Variants in ZNF18 observed in about 807,000 individuals in gnomAD.
ZNF18 encodes heart development-specific gene 1 protein.
Under a neutral mutation model 58.1 loss-of-function variants are expected in ZNF18, and 42 were observed. That is an observed-to-expected ratio of 0.72 (90% CI 0.56 to 0.93). The LOEUF is 0.93. ZNF18 is among the 40% of genes least tolerant of loss of function. ZNF18 has a pLI of 0.00. For synonymous variants in ZNF18, 231 were observed against 239.8 expected (o/e 0.96, Z 0.34); for missense variants, 540 against 644.2 (o/e 0.84, Z 1.75).
At chr17:12,020,650 C>G in the ZNF18 span, among the ~76,000 whole-genome samples, 30 of 152,242 alleles carry the variant, frequency 2.0e-4, no homozygotes, top group South Asian at 5.6e-3. Flanking sequence ...GCCCGCAGCC[C>G]TGGTCCAAGA....
chr17:12,007,464 G>A, the ZNF18 span, among the ~76,000 whole-genome samples: 1 of 152,112 alleles, frequency 6.6e-6, no homozygotes, highest in South Asian at 2.1e-4. Flanking sequence ...CTTGTTAGCT[G>A]AATTCTGATT....
the ZNF18 span, among the ~76,000 whole-genome samples, chr17:12,006,899 C>G: frequency 6.6e-6 from 1 of 152,104 alleles, no homozygotes; most frequent in Non-Finnish European, 1.5e-5. Context: ...GTAAGACATT[C>G]TGTAATACTG....
At position 11,992,487 on chromosome 17, in the gene ZNF18, G is replaced by T. The variant is rs776715145; in HGVS notation, c.343C>A (p.Leu115Ile). ...GGGTCCCCCTTCAAGCTTTCCACAA[G>T]GGTCACTGCCTCTTCTCCACTTCCT... ...CPGSGEEAVT[L>I]VESLKGDPQR... Residue 115 changes from leucine (L) to isoleucine (I), a missense_variant, in exon 2 of 7, where the codon CTT (leucine) becomes ATT (isoleucine). Coordinates refer to ENST00000580306, the MANE Select transcript of ZNF18 (RefSeq NM_001303281.2). The T allele has an allele frequency of 8.7e-6, 14 of 1,614,024 alleles. No individual in the cohort carries two copies. The highest frequency in any genetic ancestry group is 2.2e-5 in the East Asian group (1 of 44,896).
chr17:12,008,547 T>C, the ZNF18 span, among the ~76,000 whole-genome samples: 16 of 152,276 alleles, frequency 1.1e-4, no homozygotes, highest in East Asian at 3.1e-3. Flanking sequence ...TACAGTACCA[T>C]CTGGACCCTG....
At chr17:11,978,803 T>C (rs1174242088) in intron 6 of ZNF18, 59 bp from the exon 7 acceptor site, 2 of 909,314 alleles carry the variant, frequency 2.2e-6, no homozygotes, top group Non-Finnish European at 1.6e-6. Flanking sequence ...TTCTAACTCA[T>C]ATGTCAAAGA....
intron 6 of ZNF18, 40 bp downstream of exon 6, chr17:11,983,257 G>T: frequency 6.8e-7 from 1 of 1,463,132 alleles, no homozygotes. Context: ...TTAATGACAG[G>T]CAGTCAGAAA....
At chr17:12,013,425 T>C in the ZNF18 span, among the ~76,000 whole-genome samples, 2 of 152,218 alleles carry the variant, frequency 1.3e-5, no homozygotes, top group Admixed American at 1.3e-4. Flanking sequence ...GGGCTTATCT[T>C]ATATCTTCAT....
chr17:11,994,310 T>C (rs1285089060), intron 1 of ZNF18, among the ~76,000 whole-genome samples: 1 of 152,144 alleles, frequency 6.6e-6, no homozygotes, highest in Non-Finnish European at 1.5e-5. Flanking sequence ...AAAAACAATT[T>C]TTTTTCAAGG....
At chr17:12,003,149 G>A in the ZNF18 span, among the ~76,000 whole-genome samples, 2 of 152,170 alleles carry the variant, frequency 1.3e-5, no homozygotes, top group Non-Finnish European at 2.9e-5. Flanking sequence ...GGATGTCCTA[G>A]AGGAGATCTT....
intron 4 of ZNF18, among the ~76,000 whole-genome samples, chr17:11,989,759 T>A (rs1014536421): frequency 7.9e-5 from 12 of 151,582 alleles, no homozygotes; most frequent in Non-Finnish European, 1.0e-4. Context: ...AAGAAAAGAT[T>A]AATGAACTTG....
chr17:12,011,298 A>G, the ZNF18 span: 18,032 of 258,872 alleles, frequency 0.07, 839 homozygotes, highest in East Asian at 0.17. Context: ...ATATAAATGT[A>G]TGGTAATAAA....
Position 11,978,252 on chromosome 17 carries a change from A to G in ZNF18, c.1355T>C (p.Val452Ala). 2 of 1,613,234 alleles carry G rather than the reference A, an allele frequency of 1.2e-6. No homozygotes were observed. Among genetic ancestry groups the G allele is most frequent in the Non-Finnish European group, 1.7e-6 (2 of 1,179,668 alleles). ...KKAFLRSSDFVKHQRTHTGEK... is the reference protein window; with the variant it reads ...KKAFLRSSDFAKHQRTHTGEK... ...TCCCGTGTGAGTTCTCTGATGCTTCACAAAGTCTGAACTCCGCAGAAAGGC... is the reference window on the plus strand; with the variant it reads ...TCCCGTGTGAGTTCTCTGATGCTTCGCAAAGTCTGAACTCCGCAGAAAGGC... Residue 452 changes from valine (V) to alanine (A), a missense_variant, in exon 7 of 7, where the codon GTG (valine) becomes GCG (alanine). Coordinates refer to ENST00000580306, the MANE Select transcript of ZNF18 (RefSeq NM_001303281.2).
chr17:11,999,001 G>T (rs1597990652), upstream of ZNF18, among the ~76,000 whole-genome samples: 2 of 152,202 alleles, frequency 1.3e-5, no homozygotes, highest in South Asian at 2.1e-4. Flanking sequence ...TCATGTGATT[G>T]ATGGCGCTGC....
chr17:12,007,051 T>A, the ZNF18 span, among the ~76,000 whole-genome samples: 1 of 152,184 alleles, frequency 6.6e-6, no homozygotes, highest in Non-Finnish European at 1.5e-5. Context: ...TGTTTTGTTT[T>A]GTTTCTGTCT....
Position 11,983,345 on chromosome 17 carries a change from C to T in ZNF18, c.814G>A (p.Gly272Arg), listed in dbSNP as rs541839883. The change falls in exon 6 of 7, where the codon GGA (glycine) becomes AGA (arginine). Residue 272 changes from glycine to arginine, a missense_variant. Transcript: ENST00000580306. Reference protein sequence around the residue: ...NSIEFGEELAGIYLHVNEKIP... With the variant: ...NSIEFGEELARIYLHVNEKIP... ...TTCTCATTGACATGAAGGTATATTCCTGCCAGCTCTTCCCCAAATTCTATT... is the reference window on the plus strand; with the variant it reads ...TTCTCATTGACATGAAGGTATATTCTTGCCAGCTCTTCCCCAAATTCTATT... 2.5e-6 allele frequency: 4 copies of T among 1,614,070 alleles called. No individual in the cohort carries two copies. The Admixed American group carries it at 6.7e-5, about 27-fold the overall frequency.
chr17:12,011,359 C>T, the ZNF18 span: 1 of 191,230 alleles, frequency 5.2e-6, no homozygotes, highest in South Asian at 1.1e-4. Flanking sequence ...AAAGGACATC[C>T]ATCATCCTGA....
upstream of ZNF18, among the ~76,000 whole-genome samples, chr17:11,999,429 G>A (rs1968619861): frequency 6.6e-6 from 1 of 152,146 alleles, no homozygotes; most frequent in African/African-American, 2.4e-5. Flanking sequence ...ACACTTTGAA[G>A]TTTAATAATT....
Sources: allele counts gnomAD v4.1 joint callset (sites outside exome capture counted in the v4.1 genomes callset), GRCh38; gene constraint gnomAD v4.1.1; transcripts MANE v1.5; gene names NCBI Gene and HGNC (gene_info 2026-07-23, HGNC 2026-07-21).